The following CSMD1 variants were observed in gnomAD, a reference collection of about 807,000 sequenced individuals.
The protein encoded by CSMD1 is CUB and Sushi multiple domains 1.
CSMD1 carries 213 observed loss-of-function variants against 417.5 expected under a neutral mutation model. That is an observed-to-expected ratio of 0.51 (90% CI 0.46 to 0.57). The LOEUF is 0.57. Among genes scored for constraint, CSMD1 ranks in the 20% least tolerant of loss-of-function variants. The pLI is 0.00. For synonymous variants in CSMD1, 2,862 were observed against 1,736.8 expected (o/e 1.65, Z -16.11); for missense variants, 6,923 against 4,529.7 (o/e 1.53, Z -15.17).
intron 2 of CSMD1, among the ~76,000 whole-genome samples, chr8:4,461,875 G>A (rs1043846600): frequency 6.6e-6 from 1 of 151,418 alleles, no homozygotes; most frequent in Non-Finnish European, 1.5e-5. Context: ...CGAGTAGCTC[G>A]GACTACAGGA....
At chr8:3,034,072 A>G (rs940332876) in intron 50 of CSMD1, among the ~76,000 whole-genome samples, 2 of 152,118 alleles carry the variant, frequency 1.3e-5, no homozygotes, top group African/African-American at 4.8e-5. Flanking sequence ...TGCTGCCCAC[A>G]TTGCTGGGTG....
At chr8:4,307,746 A>T (rs1798326065) in intron 3 of CSMD1, among the ~76,000 whole-genome samples, 1 of 152,172 alleles carries the variant, frequency 6.6e-6, no homozygotes, top group Non-Finnish European at 1.5e-5. Context: ...TACATGGGCA[A>T]CCAGAGAGTT....
rs138638801 is a variant in CSMD1 at position 3,737,934 on chromosome 8, G to C, written c.931+15996C>G. On this transcript the variant is annotated intron_variant, in intron 6 of 69. Coordinates refer to ENST00000635120, the MANE Select transcript of CSMD1 (RefSeq NM_033225.6). ...GCTTGTGTTCTAAAGGTAGATAATT[G>C]TCAAGGGAAATTCTTAAAAGAAACA... Among the ~76,000 whole-genome samples, 189 of 152,238 alleles carry C rather than the reference G, an allele frequency of 1.2e-3. 1 individual carries two copies. Among genetic ancestry groups the C allele is most frequent in the African/African-American group, 4.3e-3 (177 of 41,536 alleles).
chr8:3,847,938 G>A (rs1401010061), intron 5 of CSMD1, among the ~76,000 whole-genome samples: 2 of 151,744 alleles, frequency 1.3e-5, no homozygotes, highest in Non-Finnish European at 1.5e-5. Context: ...ATATTTTCTT[G>A]GCTTCAAAAC....
At chr8:4,632,323 G>T (rs562738132) in intron 2 of CSMD1, among the ~76,000 whole-genome samples, 1 of 152,134 alleles carries the variant, frequency 6.6e-6, no homozygotes, top group African/African-American at 2.4e-5. Flanking sequence ...GACCAGCCTG[G>T]CCAACATGGT....
intron 3 of CSMD1, among the ~76,000 whole-genome samples, chr8:4,047,208 G>C (rs2554556): frequency 0.89 from 135,423 of 152,192 alleles, 60,343 homozygotes; most frequent in Middle Eastern, 0.95. Context: ...AGTAACTCAT[G>C]TGTATTTCAG....
At chr8:4,120,825 A>G (rs1007500611) in intron 3 of CSMD1, among the ~76,000 whole-genome samples, 3 of 152,206 alleles carry the variant, frequency 2.0e-5, no homozygotes, top group African/African-American at 7.2e-5. Context: ...AGAAATCACA[A>G]AACAAAGGAG....
intron 12 of CSMD1, among the ~76,000 whole-genome samples, chr8:3,454,868 G>C (rs2117123049): frequency 6.6e-6 from 1 of 152,328 alleles, no homozygotes; most frequent in East Asian, 1.9e-4. Flanking sequence ...TGCCTGGCTA[G>C]ATTGGGGAAG....
chr8:4,184,898 G>A (rs912598149), intron 3 of CSMD1, among the ~76,000 whole-genome samples: 17 of 149,626 alleles, frequency 1.1e-4, no homozygotes, highest in African/African-American at 2.5e-5. Flanking sequence ...AGGAGTTCAA[G>A]ACCAGCCTCT....
chr8:3,071,498 T>C (rs555347757), intron 49 of CSMD1, among the ~76,000 whole-genome samples: 2 of 152,098 alleles, frequency 1.3e-5, no homozygotes, highest in African/African-American at 4.8e-5. Context: ...TGCACATGTA[T>C]CCCAGAACTT....
chr8:4,176,145 G>C (rs552157774), intron 3 of CSMD1, among the ~76,000 whole-genome samples: 1 of 152,162 alleles, frequency 6.6e-6, no homozygotes, highest in South Asian at 2.1e-4. Context: ...ATTTATAGGG[G>C]TGGAAAAGAG....
chr8:3,895,174 C>G (rs1807274046), intron 5 of CSMD1, among the ~76,000 whole-genome samples: 1 of 152,124 alleles, frequency 6.6e-6, no homozygotes, highest in African/African-American at 2.4e-5. Context: ...TTCAGAGACA[C>G]CAACAAAGTT....
intron 5 of CSMD1, among the ~76,000 whole-genome samples, chr8:3,902,184 A>T (rs1807800952): frequency 6.6e-6 from 1 of 152,128 alleles, no homozygotes; most frequent in African/African-American, 2.4e-5. Flanking sequence ...TAAAATGGAG[A>T]ATCTCACTTC....
chr8:3,231,458 T>G (rs1798833322), intron 26 of CSMD1, among the ~76,000 whole-genome samples: 1 of 152,160 alleles, frequency 6.6e-6, no homozygotes, highest in South Asian at 2.1e-4. Context: ...ATGAGTAGGC[T>G]TTGCGTTTTG....
At chr8:4,015,330 C>T (rs900637240) in intron 4 of CSMD1, among the ~76,000 whole-genome samples, 9 of 152,188 alleles carry the variant, frequency 5.9e-5, no homozygotes, top group Admixed American at 4.6e-4. Flanking sequence ...TCTCTTCCTT[C>T]TCCCCTCTGG....
At chr8:4,753,928 G>A (rs997078944) in intron 1 of CSMD1, among the ~76,000 whole-genome samples, 1 of 152,182 alleles carries the variant, frequency 6.6e-6, no homozygotes, top group African/African-American at 2.4e-5. Flanking sequence ...CAGCACATGC[G>A]AGATGCTTTA....
At chr8:4,594,734 C>A (rs1338890622) in intron 2 of CSMD1, among the ~76,000 whole-genome samples, 1 of 152,150 alleles carries the variant, frequency 6.6e-6, no homozygotes, top group Non-Finnish European at 1.5e-5. Context: ...TTGTTACCTG[C>A]CTGTTCACAT....
chr8:4,233,417 A>G (rs1801861630), intron 3 of CSMD1, among the ~76,000 whole-genome samples: 2 of 152,184 alleles, frequency 1.3e-5, no homozygotes, highest in African/African-American at 4.8e-5. Flanking sequence ...TCATGTGTTG[A>G]AAACCTGACC....
chr8:4,766,892 T>C (rs2117125749), intron 1 of CSMD1, among the ~76,000 whole-genome samples: 1 of 152,342 alleles, frequency 6.6e-6, no homozygotes, highest in Middle Eastern at 3.4e-3. Context: ...ATGTTGATAT[T>C]TTCCGCAGGG....
Sources: gnomAD v4.1 joint callset for allele counts (sites outside exome capture counted in the v4.1 genomes callset) on GRCh38, gnomAD v4.1.1 for gene constraint, MANE v1.5 for transcripts, NCBI Gene and HGNC (gene_info 2026-07-23, HGNC 2026-07-21) for gene names.